The following ELSPBP1 variants were observed in gnomAD, a reference collection of about 807,000 sequenced individuals.
ELSPBP1 encodes the protein epididymal sperm-binding protein 1.
A neutral mutation model predicts 33.3 loss-of-function variants in ELSPBP1; 38 were observed. That is an observed-to-expected ratio of 1.14 (90% confidence interval 0.88 to 1.50). The LOEUF is 1.50. Among genes scored for constraint, ELSPBP1 ranks in the 40% most tolerant of loss-of-function variants. ELSPBP1 has a pLI of 0.00. For synonymous variants in ELSPBP1, 85 were observed against 94.1 expected (o/e 0.90, Z 0.56); for missense variants, 267 against 263.5 (o/e 1.01, Z -0.09).
chr19:47,994,936 G>T (rs1345148538), intron 1 of ELSPBP1, 125 bp downstream of exon 1: 1 of 152,210 alleles, frequency 6.6e-6, no homozygotes, highest in Non-Finnish European at 1.5e-5. Context: ...ATAAATCATT[G>T]TAAGTTTTAT....
chr19:48,021,095 C>A (rs964003810), intron 5 of ELSPBP1, among the ~76,000 whole-genome samples: 10 of 152,228 alleles, frequency 6.6e-5, no homozygotes, highest in Admixed American at 2.0e-4. Context: ...ATGAGGACAT[C>A]ATTTACGTCC....
At chr19:47,998,141 C>T (rs1966928524) in intron 1 of ELSPBP1, among the ~76,000 whole-genome samples, 1 of 152,066 alleles carries the variant, frequency 6.6e-6, no homozygotes, top group African/African-American at 2.4e-5. Flanking sequence ...GGCCTGGGCG[C>T]GGTAGCTCAA....
chr19:48,010,220 C>G (rs1967063062), intron 2 of ELSPBP1, among the ~76,000 whole-genome samples: 1 of 152,182 alleles, frequency 6.6e-6, no homozygotes, highest in Non-Finnish European at 1.5e-5. Context: ...TCTCAAAGAA[C>G]TGACAAATTC....
intron 1 of ELSPBP1, among the ~76,000 whole-genome samples, chr19:47,998,621 C>T (rs1260764533): frequency 2.0e-5 from 3 of 151,632 alleles, no homozygotes; most frequent in African/African-American, 7.3e-5. Flanking sequence ...CCCGTCTTTA[C>T]TAAAAATACA....
intron 1 of ELSPBP1, among the ~76,000 whole-genome samples, chr19:48,006,432 G>A (rs928798115): frequency 2.0e-5 from 3 of 151,802 alleles, no homozygotes; most frequent in Non-Finnish European, 4.4e-5. Context: ...TGGCCAACGT[G>A]GTGAAACCCT....
Position 48,022,266 on chromosome 19 carries a change from AC to A in ELSPBP1, c.613del (p.Val206CysfsTer35), listed in dbSNP as rs778863071. ...TGCACTAACGAAGGATCAAAGGAGAACCTTGTGTGGTGTGCAACTTCTTACA... is the reference window on the plus strand; with the variant it reads ...TGCACTAACGAAGGATCAAAGGAGAACTTGTGTGGTGTGCAACTTCTTACA... ...FNCTNEGSKENLVWCATSYNY... is the reference protein window; with the variant it reads ...FNCTNEGSKEXLVWCATSYNY... On this transcript the variant is annotated frameshift_variant, in exon 6 of 7. Coordinates refer to ENST00000339841, the MANE Select transcript of ELSPBP1 (RefSeq NM_022142.5). LOFTEE classifies it high-confidence loss of function. 2.5e-6 allele frequency: 4 copies of A among 1,613,914 alleles called. No individual in the cohort carries two copies. The South Asian group carries it at 4.4e-5, about 18-fold the overall frequency.
chr19:48,013,649 G>A (rs968309353), intron 2 of ELSPBP1, among the ~76,000 whole-genome samples: 1 of 151,932 alleles, frequency 6.6e-6, no homozygotes, highest in African/African-American at 2.4e-5. Context: ...CCCAGGAGGT[G>A]GAGGTTGCAG....
chr19:48,012,297 T>G (rs1411803450), intron 2 of ELSPBP1, among the ~76,000 whole-genome samples: 2 of 145,956 alleles, frequency 1.4e-5, no homozygotes, highest in Non-Finnish European at 3.0e-5. Flanking sequence ...CTAATCTTGT[T>G]TGTTTGTTTT....
intron 6 of ELSPBP1, among the ~76,000 whole-genome samples, chr19:48,024,613 C>T (rs1026367981): frequency 1.2e-4 from 19 of 152,292 alleles, no homozygotes; most frequent in African/African-American, 4.6e-4. Flanking sequence ...ACCATCTTAA[C>T]AGGGTAGATA....
At position 48,015,453 on chromosome 19, in the gene ELSPBP1, C is replaced by T. The variant is rs539533471; in HGVS notation, c.209-440C>T. ...GGTGGATCACCTGAGGCCAGGAGTT[C>T]GAGACCAGCCTGGGCAACATGGCGA... On this transcript the variant is annotated intron_variant, in intron 3 of 6. Coordinates refer to ENST00000339841, the MANE Select transcript of ELSPBP1 (RefSeq NM_022142.5). Among the ~76,000 whole-genome samples, 127 of 152,072 alleles carry T rather than the reference C, an allele frequency of 8.4e-4. 1 individual carries two copies. Among genetic ancestry groups the T allele is most frequent in the African/African-American group, 2.9e-3 (121 of 41,464 alleles).
At chr19:48,023,490 G>GGGAAGGAAGGGAGGAAGGAAGGGAGGGAA (rs142061110) in intron 6 of ELSPBP1, among the ~76,000 whole-genome samples, 2 of 89,924 alleles carry the variant, frequency 2.2e-5, no homozygotes, top group Non-Finnish European at 4.6e-5. Flanking sequence ...AGGGAAGGGA[G>GGGAAGGAAGGGAGGAAGGAAGGGAGGGAA]GGAGGGAAGG....
At chr19:48,019,320 A>G (rs1475639278) in intron 4 of ELSPBP1, among the ~76,000 whole-genome samples, 1 of 152,140 alleles carries the variant, frequency 6.6e-6, no homozygotes, top group African/African-American at 2.4e-5. Flanking sequence ...TGAAATGACC[A>G]AAGATGGGGT....
intron 5 of ELSPBP1, among the ~76,000 whole-genome samples, chr19:48,020,616 C>T (rs1182154785): frequency 1.3e-5 from 2 of 152,156 alleles, no homozygotes; most frequent in Non-Finnish European, 2.9e-5. Context: ...AAGATGAGGA[C>T]ACTGGAATTA....
intron 1 of ELSPBP1, among the ~76,000 whole-genome samples, chr19:48,008,285 T>G (rs1967042442): frequency 6.6e-6 from 1 of 152,182 alleles, no homozygotes; most frequent in Non-Finnish European, 1.5e-5. Context: ...GAGGCTATAG[T>G]ACAGTGGCAC....
rs1187019374 is a variant in ELSPBP1 at position 48,006,636 on chromosome 19, AAAAAAAAAAAAG to A, written c.-17-2010_-17-1999del. ...GACCCTGTCTCAAAAAAAAAAAAAA[AAAAAAAAAAAAG>A]AAAAGAAAAAGAAAATTTAAGTAAT... On this transcript the variant is annotated intron_variant, in intron 1 of 6. Coordinates refer to ENST00000339841, the MANE Select transcript of ELSPBP1 (RefSeq NM_022142.5). Among the ~76,000 whole-genome samples, 11 of 123,158 alleles carry A rather than the reference AAAAAAAAAAAAG, an allele frequency of 8.9e-5. 1 individual carries two copies. Among genetic ancestry groups the A allele is most frequent in the African/African-American group, 3.6e-4 (11 of 30,492 alleles). The allele number at this position is 123,158 out of a possible 152,430, so 80.8% of individuals were successfully genotyped here.
chr19:47,995,199 T>G (rs928531778), intron 1 of ELSPBP1, among the ~76,000 whole-genome samples: 1 of 152,174 alleles, frequency 6.6e-6, no homozygotes, highest in Non-Finnish European at 1.5e-5. Context: ...GCTGCCATAT[T>G]GGTTCTGGAA....
At chr19:48,008,479 T>C (rs1568404978) in intron 1 of ELSPBP1, among the ~76,000 whole-genome samples, 172 bp from the exon 2 acceptor site, 1 of 152,134 alleles carries the variant, frequency 6.6e-6, no homozygotes, top group Non-Finnish European at 1.5e-5. Context: ...AAGCGATCCT[T>C]TGTCTTGGTC....
intron 1 of ELSPBP1, among the ~76,000 whole-genome samples, chr19:48,005,724 C>G (rs1600103232): frequency 6.6e-6 from 1 of 152,118 alleles, no homozygotes; most frequent in African/African-American, 2.4e-5. Context: ...AGCCTAGAGG[C>G]AGCATCGTAC....
In ELSPBP1 at chr19:48,025,070, C is replaced by T. The variant is rs1380895617; in HGVS notation, c.*126C>T. On this transcript the variant is annotated 3_prime_UTR_variant, in exon 7 of 7. Transcript: ENST00000339841. ...ACCTTTAGAAATACCCTCTGCACCA[C>T]CTGCTTCAATCAGCTGGTCCTTTGT... 1 of 152,228 alleles carries T rather than the reference C, an allele frequency of 6.6e-6. No individual in the cohort carries two copies. Among genetic ancestry groups the T allele is most frequent in the Non-Finnish European group, 1.5e-5 (1 of 68,044 alleles). 9.4% of individuals were successfully genotyped at this position (152,228 alleles called of 1,614,324 possible). A position where few individuals can be genotyped will look rare whatever the true frequency, so the allele number is the denominator to read the frequency against.
Sources: gnomAD v4.1 joint callset for allele counts (sites outside exome capture counted in the v4.1 genomes callset) on GRCh38, gnomAD v4.1.1 for gene constraint, MANE v1.5 for transcripts, NCBI Gene and HGNC (gene_info 2026-07-23, HGNC 2026-07-21) for gene names.